TRAM2: variants seen among roughly 807,000 people sequenced by gnomAD.
TRAM2 encodes the protein translocating chain-associated membrane protein 2.
Under a neutral mutation model 51.0 loss-of-function variants are expected in TRAM2, and 12 were observed. The ratio of observed to expected loss-of-function variants is 0.24; its 90% CI spans 0.15 to 0.38. The LOEUF (loss-of-function observed/expected upper bound fraction) is 0.38. Among genes scored for constraint, TRAM2 ranks in the 10% least tolerant of loss-of-function variants. TRAM2 has a pLI of 1.00. For synonymous variants in TRAM2, 175 were observed against 179.4 expected, an observed-to-expected ratio of 0.98 and a Z score of 0.20; for missense variants, 361 against 462.0, an observed-to-expected ratio of 0.78 and a Z score of 2.00.
At chr6:52,506,208 C>G in intron 7 of TRAM2, 72 bp from the exon 8 acceptor site, 1 of 1,401,354 alleles carries the variant, frequency 7.1e-7, no homozygotes, top group East Asian at 2.3e-5. Flanking sequence ...TGCATCTTGG[C>G]TCAGGCTGTC....
intron 1 of TRAM2, among the ~76,000 whole-genome samples, chr6:52,536,313 T>C (rs1766976909): frequency 6.6e-6 from 1 of 152,204 alleles, no homozygotes; most frequent in Non-Finnish European, 1.5e-5. Flanking sequence ...ACACCTGAGC[T>C]TCAGAAACAG....
intron 1 of TRAM2, among the ~76,000 whole-genome samples, chr6:52,542,262 GTT>G (rs372948940): frequency 6.8e-6 from 1 of 146,702 alleles, no homozygotes. Context: ...AGATTTTTGG[GTT>G]TTTTTTTTTT....
intron 1 of TRAM2, among the ~76,000 whole-genome samples, chr6:52,537,501 T>C (rs1308525727): frequency 1.3e-5 from 2 of 152,162 alleles, no homozygotes; most frequent in Non-Finnish European, 2.9e-5. Flanking sequence ...ACAGCTCTCC[T>C]GATTAGAATC....
intron 4 of TRAM2, among the ~76,000 whole-genome samples, chr6:52,514,219 G>C (rs1380422285): frequency 6.6e-6 from 1 of 152,114 alleles, no homozygotes; most frequent in Non-Finnish European, 1.5e-5. Flanking sequence ...AGAGAAAGAA[G>C]AGTCATGAAA....
intron 1 of TRAM2, among the ~76,000 whole-genome samples, chr6:52,575,387 C>T (rs894114254): frequency 1.3e-5 from 2 of 152,096 alleles, no homozygotes; most frequent in African/African-American, 4.8e-5. Context: ...ACCCAATATA[C>T]CACTAGAGAG....
chr6:52,515,951 G>C, intron 4 of TRAM2, 55 bp downstream of exon 4: 1 of 1,482,378 alleles, frequency 6.7e-7, no homozygotes, highest in Non-Finnish European at 9.4e-7. Flanking sequence ...TCCCAGAGCT[G>C]GAATTGCCCC....
intron 1 of TRAM2, among the ~76,000 whole-genome samples, chr6:52,543,378 A>G (rs907384760): frequency 2.0e-5 from 3 of 152,266 alleles, no homozygotes; most frequent in Non-Finnish European, 4.4e-5. Context: ...GAATAGTGAC[A>G]TTCTTAATAT....
chr6:52,521,542 A>G (rs1363967750), intron 2 of TRAM2, among the ~76,000 whole-genome samples: 1 of 151,394 alleles, frequency 6.6e-6, no homozygotes, highest in Non-Finnish European at 1.5e-5. Flanking sequence ...AAAATACAAA[A>G]AAAAATTAGC....
At chr6:52,529,823 T>G (rs953370187) in intron 2 of TRAM2, 1 of 152,186 alleles carries the variant, frequency 6.6e-6, no homozygotes, top group African/African-American at 2.4e-5. Flanking sequence ...CTGTTCTAGA[T>G]CAGAAAGGAA....
intron 1 of TRAM2, among the ~76,000 whole-genome samples, chr6:52,556,341 C>T (rs1767405897): frequency 6.6e-6 from 1 of 151,660 alleles, no homozygotes; most frequent in Admixed American, 6.6e-5. Flanking sequence ...AGTGCAGTGG[C>T]ACAATCTCAG....
intron 1 of TRAM2, among the ~76,000 whole-genome samples, chr6:52,559,097 A>G (rs989391468): frequency 2.6e-5 from 4 of 152,194 alleles, no homozygotes; most frequent in Non-Finnish European, 5.9e-5. Flanking sequence ...GACTTGAGAA[A>G]TGGTGGATGG....
At chr6:52,543,004 C>T (rs1194309711) in intron 1 of TRAM2, among the ~76,000 whole-genome samples, 2 of 152,206 alleles carry the variant, frequency 1.3e-5, no homozygotes, top group Non-Finnish European at 2.9e-5. Flanking sequence ...TTTATATCCA[C>T]AAGTTAATTA....
At position 52,515,993 on chromosome 6, in the gene TRAM2, G is replaced by A; in HGVS notation, c.411+13C>T. 1 of 1,613,084 alleles carries A rather than the reference G, an allele frequency of 6.2e-7. No individual in the cohort carries two copies. Among genetic ancestry groups the A allele is most frequent in the South Asian group, 1.1e-5 (1 of 91,024 alleles). On this transcript the variant is annotated intron_variant, in intron 4 of 10. Coordinates refer to ENST00000182527, the MANE Select transcript of TRAM2 (RefSeq NM_012288.4). The stretch of plus-strand genomic sequence containing the variant: ...TGAGCTCTCCCGCTTCAGCAGTCCT[G>A]AGAATGGCTCACCGTCACCACCACG...
chr6:52,562,815 G>C (rs1009571190), intron 1 of TRAM2, among the ~76,000 whole-genome samples: 5 of 152,050 alleles, frequency 3.3e-5, no homozygotes, highest in Admixed American at 1.3e-4. Flanking sequence ...GTTTGGTTTT[G>C]TGATGCTGAG....
rs1039476880 is a variant in TRAM2, at chr6:52,503,020, A to G, written c.*177T>C. 7.7e-6 allele frequency: 5 copies of G among 645,762 alleles called. No individual in the cohort carries two copies. The highest frequency in any genetic ancestry group is 2.6e-5 in the East Asian group (1 of 39,130). The allele number at this position is 645,762 out of a possible 1,614,324, so 40.0% of individuals were successfully genotyped here. ...TTTATTGAGAATGGTTTGTGGAAGAATAAGAGGAAGCCAAGAAGAAGGAAA... is the reference window on the plus strand; with the variant it reads ...TTTATTGAGAATGGTTTGTGGAAGAGTAAGAGGAAGCCAAGAAGAAGGAAA... On this transcript the variant is annotated 3_prime_UTR_variant, in exon 11 of 11. Transcript: ENST00000182527.
chr6:52,566,300 A>G (rs1767590221), intron 1 of TRAM2, among the ~76,000 whole-genome samples: 1 of 152,280 alleles, frequency 6.6e-6, no homozygotes, highest in South Asian at 2.1e-4. Flanking sequence ...CACATGAAAC[A>G]TATGAGAAAG....
intron 4 of TRAM2, among the ~76,000 whole-genome samples, chr6:52,512,928 G>C (rs1222359885): frequency 1.3e-5 from 2 of 152,298 alleles, no homozygotes; most frequent in South Asian, 4.1e-4. Flanking sequence ...CCCTCTACTT[G>C]GTTCTAAAAT....
chr6:52,529,739 C>T (rs1020453840), intron 2 of TRAM2: 1 of 152,186 alleles, frequency 6.6e-6, no homozygotes, highest in Non-Finnish European at 1.5e-5. Flanking sequence ...GTGTTTCACC[C>T]AAGACAATTC....
Position 52,497,553 on chromosome 6 carries a change from A to G in TRAM2, c.*5644T>C, listed in dbSNP as rs536088168. ...ATGATTTTGAAAAAAAGTTCACCAA[A>G]AGCAAAAAGACACCCCTCCCCCCAA... On this transcript the variant is annotated 3_prime_UTR_variant, in exon 11 of 11. Coordinates refer to ENST00000182527, the MANE Select transcript of TRAM2 (RefSeq NM_012288.4). The G allele has an allele frequency of 6.5e-6, 1 of 152,736 alleles. No homozygotes were observed. The highest frequency in any genetic ancestry group is 2.1e-4 in the South Asian group (1 of 4,828). The allele number at this position is 152,736 out of a possible 1,614,324, so 9.5% of individuals were successfully genotyped here.
Sources: gnomAD v4.1 joint callset for allele counts (sites outside exome capture counted in the v4.1 genomes callset) on GRCh38, gnomAD v4.1.1 for gene constraint, MANE v1.5 for transcripts, NCBI Gene and HGNC (gene_info 2026-07-23, HGNC 2026-07-21) for gene names.